Variants in GRID2 observed in about 807,000 individuals in gnomAD.
GRID2 encodes the protein glutamate receptor ionotropic, delta-2.
In GRID2, 33 loss-of-function variants were observed where a neutral mutation model predicts 114.8. The observed-to-expected ratio is 0.29, with a 90% CI of 0.22 to 0.38. The LOEUF (loss-of-function observed/expected upper bound fraction) is 0.38, where lower values mean the gene tolerates loss of function less well. GRID2 is among the 10% of genes least tolerant of loss of function. GRID2 has a pLI of 1.00. For synonymous variants in GRID2, 505 were observed against 449.9 expected (o/e 1.12, Z -1.55); for missense variants, 1,184 against 1,257.7 (o/e 0.94, Z 0.89).
chr4:92,515,932 A>G (rs1724480805), intron 1 of GRID2, among the ~76,000 whole-genome samples: 1 of 151,958 alleles, frequency 6.6e-6, no homozygotes, highest in Admixed American at 6.6e-5. Context: ...TTTTTTAAAA[A>G]ATTGATAGTC....
chr4:93,073,578 G>A (rs1729000578), intron 2 of GRID2, among the ~76,000 whole-genome samples: 2 of 152,070 alleles, frequency 1.3e-5, no homozygotes, highest in Admixed American at 6.6e-5. Context: ...TCTAAACTCT[G>A]CATTGTTCAA....
chr4:92,528,820 T>TAA (rs755194146), intron 1 of GRID2, among the ~76,000 whole-genome samples: 65 of 94,088 alleles, frequency 6.9e-4, no homozygotes, highest in East Asian at 3.7e-3. Flanking sequence ...GAACATCCTG[T>TAA]AAAAAAAAAA....
At chr4:92,785,715 T>C (rs181851193) in intron 2 of GRID2, among the ~76,000 whole-genome samples, 1 of 151,916 alleles carries the variant, frequency 6.6e-6, no homozygotes, top group East Asian at 1.9e-4. Context: ...TATTTTACTT[T>C]TGATATAATC....
chr4:93,283,927 T>C (rs1275812827), intron 8 of GRID2, among the ~76,000 whole-genome samples: 1 of 152,080 alleles, frequency 6.6e-6, no homozygotes, highest in Non-Finnish European at 1.5e-5. Flanking sequence ...TCAATCTCTA[T>C]AATATTGTGT....
At chr4:93,691,758 C>T (rs1451626964) in intron 14 of GRID2, among the ~76,000 whole-genome samples, 1 of 151,872 alleles carries the variant, frequency 6.6e-6, no homozygotes. Context: ...TATAGCTATG[C>T]TCACATACTA....
intron 2 of GRID2, among the ~76,000 whole-genome samples, chr4:93,006,898 A>C (rs917211453): frequency 6.6e-6 from 1 of 152,020 alleles, no homozygotes; most frequent in Admixed American, 6.6e-5. Flanking sequence ...AGTAAGTAAA[A>C]AAACAGCAAC....
intron 13 of GRID2, among the ~76,000 whole-genome samples, chr4:93,560,662 T>C (rs2149562409): frequency 6.6e-6 from 1 of 152,286 alleles, no homozygotes; most frequent in Middle Eastern, 3.4e-3. Context: ...TTTATTTATG[T>C]AGAGACAGGA....
At chr4:92,927,970 GT>G (rs1749948497) in intron 2 of GRID2, among the ~76,000 whole-genome samples, 1 of 151,640 alleles carries the variant, frequency 6.6e-6, no homozygotes, top group Non-Finnish European at 1.5e-5. Flanking sequence ...TGCCATGTTG[GT>G]GCTCAAAATG....
At chr4:92,835,037 C>T (rs1742361007) in intron 2 of GRID2, among the ~76,000 whole-genome samples, 1 of 152,026 alleles carries the variant, frequency 6.6e-6, no homozygotes, top group South Asian at 2.1e-4. Flanking sequence ...AAGATTGAAA[C>T]AGCTTTACTT....
chr4:92,531,202 T>A (rs186787429), intron 1 of GRID2, among the ~76,000 whole-genome samples: 2 of 152,242 alleles, frequency 1.3e-5, no homozygotes, highest in African/African-American at 4.8e-5. Context: ...GTTGGATCAA[T>A]GAGTGTTTCT....
In GRID2 at chr4:92,434,203, C is replaced by T. The variant is rs138108063; in HGVS notation, c.88+129459C>T. On this transcript the variant is annotated intron_variant, in intron 1 of 15. Transcript: ENST00000282020. ...TTATTCTCAGCAACATCCTTTCAGGCGATTCCACAGTGGTTTTCATGGACT... is the reference window on the plus strand; with the variant it reads ...TTATTCTCAGCAACATCCTTTCAGGTGATTCCACAGTGGTTTTCATGGACT... 3.2e-3 allele frequency among the ~76,000 whole-genome samples: 487 copies of T among 152,206 alleles called. 4 individuals carry two copies. Among genetic ancestry groups the T allele is most frequent in the African/African-American group, 0.011 (446 of 41,536 alleles).
At chr4:92,809,947 C>T (rs777143791) in intron 2 of GRID2, among the ~76,000 whole-genome samples, 2 of 151,926 alleles carry the variant, frequency 1.3e-5, no homozygotes, top group Non-Finnish European at 1.5e-5. Context: ...GTTCAACAAA[C>T]GTTGGTCCTG....
At chr4:92,475,311 C>T (rs1286441351) in intron 1 of GRID2, among the ~76,000 whole-genome samples, 1 of 151,378 alleles carries the variant, frequency 6.6e-6, no homozygotes, top group East Asian at 2.0e-4. Context: ...TCAGGACTTA[C>T]ATTTAATCTT....
At chr4:93,323,838 G>A (rs980929347) in intron 8 of GRID2, among the ~76,000 whole-genome samples, 4 of 152,162 alleles carry the variant, frequency 2.6e-5, no homozygotes, top group Admixed American at 2.0e-4. Context: ...TCATGATTTG[G>A]CTCTCTGTTT....
At chr4:92,689,011 G>C (rs1466174158) in intron 2 of GRID2, among the ~76,000 whole-genome samples, 1 of 152,124 alleles carries the variant, frequency 6.6e-6, no homozygotes, top group Non-Finnish European at 1.5e-5. Flanking sequence ...TACAAATCTT[G>C]TACGTCTCTA....
At chr4:93,570,731 G>GA (rs1735857947) in intron 13 of GRID2, among the ~76,000 whole-genome samples, 1 of 152,036 alleles carries the variant, frequency 6.6e-6, no homozygotes, top group Non-Finnish European at 1.5e-5. Flanking sequence ...AGTATATGTT[G>GA]AAAAAATTAA....
At chr4:93,600,963 C>G (rs1422135462) in intron 13 of GRID2, among the ~76,000 whole-genome samples, 1 of 152,142 alleles carries the variant, frequency 6.6e-6, no homozygotes, top group Non-Finnish European at 1.5e-5. Context: ...CAAGAGCCAG[C>G]AAAACAAATC....
At chr4:93,228,328 C>G (rs1021755885) in intron 7 of GRID2, among the ~76,000 whole-genome samples, 5 of 152,154 alleles carry the variant, frequency 3.3e-5, no homozygotes, top group Admixed American at 2.0e-4. Flanking sequence ...GGGGACCAAA[C>G]TCTTGTGACA....
At chr4:93,047,472 A>T (rs1726261422) in intron 2 of GRID2, among the ~76,000 whole-genome samples, 1 of 151,988 alleles carries the variant, frequency 6.6e-6, no homozygotes, top group Non-Finnish European at 1.5e-5. Flanking sequence ...TCTAAACTAA[A>T]TATTTAGTTG....
Sources: allele counts gnomAD v4.1 joint callset (sites outside exome capture counted in the v4.1 genomes callset), GRCh38; gene constraint gnomAD v4.1.1; transcripts MANE v1.5; gene names NCBI Gene and HGNC (gene_info 2026-07-23, HGNC 2026-07-21).